The following COL4A2 variants were observed in gnomAD, a reference collection of about 807,000 sequenced individuals.
COL4A2 encodes collagen alpha-2(IV) chain.
Under a neutral mutation model 200.2 loss-of-function variants are expected in COL4A2, and 99 were observed. The ratio of observed to expected loss-of-function variants is 0.49; its 90% CI spans 0.42 to 0.58. COL4A2 has a LOEUF of 0.58. Among genes scored for constraint, COL4A2 ranks in the 20% least tolerant of loss-of-function variants. The pLI is 0.00. For synonymous variants in COL4A2, 897 were observed against 900.6 expected, an observed-to-expected ratio of 1.00 and a Z score of 0.07; for missense variants, 1,950 against 2,314.1, an observed-to-expected ratio of 0.84 and a Z score of 3.23.
rs1260916966 is a variant in COL4A2 at position 110,506,960 on chromosome 13, A to G, written c.4594+354A>G. 2.6e-5 allele frequency among the ~76,000 whole-genome samples: 4 copies of G among 152,298 alleles called. No individual in the cohort carries two copies. The East Asian group carries it at 7.7e-4, about 29-fold the overall frequency. On this transcript the variant is annotated intron_variant, in intron 46 of 47. Transcript: ENST00000360467. ...AAGTTCTGTAGACTTGGAGTCAGGC[A>G]GGGGCCATGAGGGGCTGGGGTTCAT... is the stretch of plus-strand genomic sequence containing the variant.
Position 110,508,481 on chromosome 13 carries a change from G to C in COL4A2, c.4881+260G>C, listed in dbSNP as rs574598369. Among the ~76,000 whole-genome samples, 30 of 152,300 alleles carry C rather than the reference G, an allele frequency of 2.0e-4. No individual in the cohort carries two copies. The highest frequency in any genetic ancestry group is 3.5e-4 in the Non-Finnish European group (24 of 68,022). On this transcript the variant is annotated intron_variant, in intron 47 of 47. Coordinates refer to ENST00000360467, the MANE Select transcript of COL4A2 (RefSeq NM_001846.4). The surrounding 1 kb of genome is among the most constrained non-coding windows in gnomAD (Gnocchi z 6.1). The stretch of plus-strand genomic sequence containing the variant: ...CCTTTGTAAGGAGTGTAACCAGGAC[G>C]AACTTGCCTGTTATCCGTCTTACTA...
rs751789950 is a variant in COL4A2 at position 110,436,313 on chromosome 13, C to G, written c.771C>G (p.Thr257=). The G allele has an allele frequency of 1.2e-6, 2 of 1,613,752 alleles. No homozygotes were observed. The highest frequency in any genetic ancestry group is 4.5e-5 in the East Asian group (2 of 44,882). The change falls in exon 13 of 48, where the codon ACC becomes ACG. Residue 257 remains threonine (T), a synonymous_variant. Transcript: ENST00000360467. ...GACCCAACGGGATTCCATCAGACACCCTCCACCCCATCATCGCGCCCACAG... is the reference window on the plus strand; with the variant it reads ...GACCCAACGGGATTCCATCAGACACGCTCCACCCCATCATCGCGCCCACAG... ...QPGPNGIPSD[T]LHPIIAPTGV...
At chr13:110,330,441 G>C (rs897424019) in intron 3 of COL4A2, among the ~76,000 whole-genome samples, 1 of 152,182 alleles carries the variant, frequency 6.6e-6, no homozygotes, top group African/African-American at 2.4e-5. Context: ...GCTCTTCCCA[G>C]CCAGAATGTC....
At chr13:110,477,905 A>G in intron 29 of COL4A2, 98 bp from the exon 30 acceptor site, 1 of 1,208,746 alleles carries the variant, frequency 8.3e-7, no homozygotes, top group East Asian at 2.8e-5. Flanking sequence ...GAAAAGCATG[A>G]ATTGCTCTTT....
Position 110,307,786 on chromosome 13 carries a change from C to T in COL4A2, c.-44-74C>T. The T allele has an allele frequency of 7.3e-6, 10 of 1,373,100 alleles. No individual in the cohort carries two copies. In the South Asian group the frequency reaches 1.0e-4, roughly 14 times the overall value. 85.1% of individuals were successfully genotyped at this position (1,373,100 alleles called of 1,614,324 possible). On this transcript the variant is annotated intron_variant, in intron 1 of 47. Coordinates refer to ENST00000360467, the MANE Select transcript of COL4A2 (RefSeq NM_001846.4). This position sits in a 1 kb window ranked among gnomAD's most constrained non-coding sequence, Gnocchi z 5.0. ...CGCACCGCGCTGTCCCCGCGTCTCGCGGACCGAGACCGGCGGTGAGGATGG... is the reference window on the plus strand; with the variant it reads ...CGCACCGCGCTGTCCCCGCGTCTCGTGGACCGAGACCGGCGGTGAGGATGG...
chr13:110,468,390 G>C, intron 27 of COL4A2: 1 of 461,024 alleles, frequency 2.2e-6, no homozygotes, highest in South Asian at 1.6e-5. Flanking sequence ...AACTCTGCAT[G>C]TCTCAGGTGG....
intron 39 of COL4A2, among the ~76,000 whole-genome samples, chr13:110,493,484 C>T (rs141794359): frequency 6.6e-6 from 1 of 152,298 alleles, no homozygotes; most frequent in African/African-American, 2.4e-5. Context: ...CCCTAAGAAT[C>T]GGTTTCTCAA....
intron 18 of COL4A2, among the ~76,000 whole-genome samples, chr13:110,448,916 C>A (rs1372860913): frequency 1.3e-5 from 2 of 152,212 alleles, no homozygotes; most frequent in Admixed American, 6.5e-5. Flanking sequence ...GTGGAGGAGC[C>A]AGGTTCAGGC....
At chr13:110,458,320 G>A (rs1449507011) in intron 21 of COL4A2, 6 of 356,280 alleles carry the variant, frequency 1.7e-5, no homozygotes, top group Non-Finnish European at 2.3e-5. Context: ...GGTCAGGCAT[G>A]TCTTCCCTGC....
intron 22 of COL4A2, chr13:110,459,183 G>T: frequency 2.6e-6 from 1 of 385,646 alleles, no homozygotes; most frequent in Non-Finnish European, 4.6e-6. Flanking sequence ...TTCAATAGGG[G>T]GTCACCACGT....
intron 32 of COL4A2, 85 bp downstream of exon 32, chr13:110,482,744 T>G: frequency 6.9e-7 from 1 of 1,447,800 alleles, no homozygotes; most frequent in Non-Finnish European, 9.4e-7. Context: ...TTGCCCAGAA[T>G]GAATTTTTGA....
At chr13:110,455,697 G>T (rs778856824) in intron 20 of COL4A2, among the ~76,000 whole-genome samples, 1 of 152,206 alleles carries the variant, frequency 6.6e-6, no homozygotes, top group Non-Finnish European at 1.5e-5. Context: ...TATGGTAAAC[G>T]TGCAGTGAGC....
chr13:110,482,614 G>T lies in COL4A2; in HGVS notation c.2857G>T (p.Gly953Ter), dbSNP rs1882974465. The T allele has an allele frequency of 3.7e-6, 6 of 1,613,942 alleles. No homozygotes were observed. Among genetic ancestry groups the T allele is most frequent in the Non-Finnish European group, 1.7e-6 (2 of 1,180,016 alleles). ...GAGCAAAGGCGAGGCTGGATTTTTC[G>T]GAATACCCGGTCTGAAGGGTCTGGC... ...PGSKGEAGFFGIPGLKGLAGE... is the reference protein window; with the variant it reads ...PGSKGEAGFF Residue 953 changes from glycine to a stop codon, truncating the protein, a stop_gained, in exon 32 of 48, where the codon GGA becomes TGA. Coordinates refer to ENST00000360467, the MANE Select transcript of COL4A2 (RefSeq NM_001846.4). LOFTEE classifies it high-confidence loss of function.
intron 4 of COL4A2, among the ~76,000 whole-genome samples, chr13:110,360,773 G>A (rs985523659): frequency 6.6e-6 from 1 of 152,226 alleles, no homozygotes; most frequent in Admixed American, 6.5e-5. Context: ...ACAAAAGACA[G>A]AGGCAAACGA....
intron 3 of COL4A2, among the ~76,000 whole-genome samples, chr13:110,338,024 A>G (rs1366600312): frequency 6.6e-6 from 1 of 152,200 alleles, no homozygotes; most frequent in African/African-American, 2.4e-5. Flanking sequence ...GAATCACACA[A>G]AACTCTCCAA....
Position 110,469,239 on chromosome 13 carries a change from C to A in COL4A2, c.2118C>A (p.Ile706=). The A allele has an allele frequency of 6.2e-7, 1 of 1,600,626 alleles. No homozygotes were observed. Among genetic ancestry groups the A allele is most frequent in the Non-Finnish European group, 8.5e-7 (1 of 1,173,626 alleles). The change falls in exon 28 of 48, where the codon ATC becomes ATA. Residue 706 remains isoleucine (I), a synonymous_variant. Coordinates refer to ENST00000360467, the MANE Select transcript of COL4A2 (RefSeq NM_001846.4). The stretch of plus-strand genomic sequence containing the variant: ...TAGGTGCCAAAGGCCTCCGAGGAAT[C>A]CCAGGCTTCGCAGGAGCTGATGGAG... ...GPTGAKGLRG[I]PGFAGADGGP...
chr13:110,469,473 G>A, intron 28 of COL4A2, 149 bp downstream of exon 28: 4 of 839,058 alleles, frequency 4.8e-6, no homozygotes, highest in Non-Finnish European at 7.2e-6. Context: ...TGGGAGATTA[G>A]AAATTCTTGA....
intron 47 of COL4A2, among the ~76,000 whole-genome samples, chr13:110,511,617 T>C (rs577700406): frequency 6.1e-4 from 93 of 152,358 alleles, no homozygotes; most frequent in African/African-American, 2.1e-3. Context: ...TGAAATGCAG[T>C]GGATTATATC....
rs144655321 is a variant in COL4A2, at chr13:110,365,534, G to A, written c.180+7982G>A. Among the ~76,000 whole-genome samples, 504 of 152,246 alleles carry A rather than the reference G, an allele frequency of 3.3e-3. 1 individual carries two copies. The highest frequency in any genetic ancestry group is 5.5e-3 in the Non-Finnish European group (375 of 68,022). ...TGTCACAAAGGGCTCTGTGACCTTG[G>A]GTAGGGCACATGACTTCTTTAAAGG... On this transcript the variant is annotated intron_variant, in intron 4 of 47. Coordinates refer to ENST00000360467, the MANE Select transcript of COL4A2 (RefSeq NM_001846.4).
Sources: allele counts gnomAD v4.1 joint callset (sites outside exome capture counted in the v4.1 genomes callset), GRCh38; gene constraint gnomAD v4.1.1; non-coding constraint Gnocchi (gnomAD v3.1); transcripts MANE v1.5; gene names NCBI Gene and HGNC (gene_info 2026-07-23, HGNC 2026-07-21).